Variants in EPHA6 observed in about 807,000 individuals in gnomAD.
The protein encoded by EPHA6 is EPH receptor A6.
Under a neutral mutation model 112.0 loss-of-function variants are expected in EPHA6, and 50 were observed. The observed-to-expected ratio is 0.45, with a 90% CI of 0.36 to 0.56. The LOEUF (loss-of-function observed/expected upper bound fraction) is 0.56, where lower values mean the gene tolerates loss of function less well. Among genes scored for constraint, EPHA6 ranks in the 20% least tolerant of loss-of-function variants. The pLI, the probability that EPHA6 is intolerant of heterozygous loss-of-function variation, is 0.00. For missense variants in EPHA6, 1,280 were observed against 1,417.4 expected (o/e 0.90, Z 1.56); for synonymous variants, 529 against 490.7 (o/e 1.08, Z -1.03).
intron 3 of EPHA6, among the ~76,000 whole-genome samples, chr3:97,014,124 T>G (rs1193742639): frequency 6.6e-6 from 1 of 152,122 alleles, no homozygotes; most frequent in Non-Finnish European, 1.5e-5. Flanking sequence ...TTTTCCCATT[T>G]TATACCTCTT....
intron 5 of EPHA6, among the ~76,000 whole-genome samples, chr3:97,381,785 T>C (rs2085751066): frequency 6.6e-6 from 1 of 152,134 alleles, no homozygotes; most frequent in Non-Finnish European, 1.5e-5. Context: ...CCTAATTAAA[T>C]TAAAGAAACT....
intron 3 of EPHA6, among the ~76,000 whole-genome samples, chr3:97,056,950 A>G (rs1403204481): frequency 6.6e-6 from 1 of 152,202 alleles, no homozygotes; most frequent in African/African-American, 2.4e-5. Flanking sequence ...TGCTCCTTCT[A>G]AATAAATTAT....
chr3:97,606,553 A>G (rs2093681445), intron 12 of EPHA6, among the ~76,000 whole-genome samples: 1 of 151,350 alleles, frequency 6.6e-6, no homozygotes, highest in South Asian at 2.1e-4. Context: ...ACAGGAAAAG[A>G]AAGTTCAAAG....
intron 10 of EPHA6, among the ~76,000 whole-genome samples, chr3:97,521,736 T>C (rs940386599): frequency 6.6e-6 from 1 of 151,974 alleles, no homozygotes; most frequent in African/African-American, 2.4e-5. Context: ...GTGGCGGAAT[T>C]AGGTTGGGTA....
rs999252899 is a variant in EPHA6 at position 97,761,242 on chromosome 3, G to A, written c.*12541G>A. The A allele has an allele frequency of 5.1e-6, 1 of 196,128 alleles. No homozygotes were observed. The highest frequency in any genetic ancestry group is 2.3e-5 in the African/African-American group (1 of 43,226). 12.1% of individuals were successfully genotyped at this position (196,128 alleles called of 1,614,324 possible). On this transcript the variant is annotated 3_prime_UTR_variant, in exon 18 of 18. Coordinates refer to ENST00000389672, the MANE Select transcript of EPHA6 (RefSeq NM_001080448.3). ...TAACTTTCCATGTAAATTTTCATGT[G>A]CTGGCATGCTTACAAGTTAATAGTG...
At chr3:97,049,662 T>C (rs2045623695) in intron 3 of EPHA6, among the ~76,000 whole-genome samples, 1 of 151,858 alleles carries the variant, frequency 6.6e-6, no homozygotes, top group African/African-American at 2.4e-5. Context: ...AAGAAAAAAA[T>C]GGTTTATTTG....
chr3:96,943,815 T>G (rs537725863), intron 2 of EPHA6, among the ~76,000 whole-genome samples: 1 of 152,234 alleles, frequency 6.6e-6, no homozygotes, highest in African/African-American at 2.4e-5. Context: ...GCTAGCAGCA[T>G]ATGTTATGCT....
At chr3:97,563,604 T>C (rs1251554509) in intron 11 of EPHA6, among the ~76,000 whole-genome samples, 1 of 152,170 alleles carries the variant, frequency 6.6e-6, no homozygotes, top group African/African-American at 2.4e-5. Context: ...CAAATTAATC[T>C]TAGGAGTGCA....
intron 5 of EPHA6, among the ~76,000 whole-genome samples, chr3:97,308,079 AT>A (rs1230456730): frequency 6.6e-6 from 1 of 151,506 alleles, no homozygotes; most frequent in Non-Finnish European, 1.5e-5. Context: ...CCTTATATTC[AT>A]TAATGCTTCC....
intron 5 of EPHA6, among the ~76,000 whole-genome samples, chr3:97,338,064 A>T (rs1369114058): frequency 6.6e-6 from 1 of 152,018 alleles, no homozygotes; most frequent in Non-Finnish European, 1.5e-5. Context: ...TAGTATGAAG[A>T]ACTTTCAGAT....
At chr3:96,816,078 G>C (rs142231707) in intron 1 of EPHA6, among the ~76,000 whole-genome samples, 13 of 152,180 alleles carry the variant, frequency 8.5e-5, no homozygotes, top group Admixed American at 5.9e-4. Context: ...TGGCTTGAAA[G>C]TGTTCACTTT....
chr3:97,020,645 C>A (rs948920178), intron 3 of EPHA6, among the ~76,000 whole-genome samples: 3 of 151,992 alleles, frequency 2.0e-5, no homozygotes, highest in Non-Finnish European at 4.4e-5. Context: ...TGTGAGTTAC[C>A]CAAAAAAGGT....
intron 3 of EPHA6, among the ~76,000 whole-genome samples, chr3:97,071,945 T>C (rs1431998064): frequency 1.3e-5 from 2 of 152,040 alleles, no homozygotes; most frequent in Admixed American, 6.6e-5. Flanking sequence ...GCTTAGTTCC[T>C]ACTTATGAGT....
At chr3:96,940,322 T>C (rs148690862) in intron 2 of EPHA6, among the ~76,000 whole-genome samples, 4,766 of 152,318 alleles carry the variant, frequency 0.031, 105 homozygotes, top group Middle Eastern at 0.065. Flanking sequence ...TAGTTAGCTC[T>C]TGTTGAATTG....
At chr3:97,474,822 C>T (rs1343235427) in intron 7 of EPHA6, among the ~76,000 whole-genome samples, 1 of 151,920 alleles carries the variant, frequency 6.6e-6, no homozygotes, top group Non-Finnish European at 1.5e-5. Flanking sequence ...CATCTAAGCA[C>T]CCATTATGTA....
intron 11 of EPHA6, among the ~76,000 whole-genome samples, chr3:97,560,045 A>G (rs1445249156): frequency 6.6e-6 from 1 of 151,844 alleles, no homozygotes; most frequent in East Asian, 1.9e-4. Context: ...AAAAAAAAGA[A>G]AAAAATCCCA....
At chr3:97,103,427 C>T (rs1415358243) in intron 3 of EPHA6, among the ~76,000 whole-genome samples, 1 of 151,940 alleles carries the variant, frequency 6.6e-6, no homozygotes, top group African/African-American at 2.4e-5. Flanking sequence ...GTTTCTGTCA[C>T]CTTTGTCAAA....
chr3:96,911,569 C>CA (rs1370107289), intron 2 of EPHA6, among the ~76,000 whole-genome samples: 16 of 151,026 alleles, frequency 1.1e-4, no homozygotes, highest in Admixed American at 7.9e-4. Flanking sequence ...AATTTTAAAG[C>CA]AAAAAAAATG....
intron 5 of EPHA6, among the ~76,000 whole-genome samples, chr3:97,361,936 A>T (rs147528057): frequency 2.0e-5 from 3 of 152,176 alleles, no homozygotes; most frequent in Non-Finnish European, 4.4e-5. Flanking sequence ...GAGGCAGTGG[A>T]CCTAAAGGAA....
Sources: allele counts gnomAD v4.1 joint callset (sites outside exome capture counted in the v4.1 genomes callset), GRCh38; gene constraint gnomAD v4.1.1; transcripts MANE v1.5; gene names NCBI Gene and HGNC (gene_info 2026-07-23, HGNC 2026-07-21).